The following HTR7 variants were observed in gnomAD, a reference collection of about 807,000 sequenced individuals.
HTR7 encodes 5-HT-7.
HTR7 carries 16 observed loss-of-function variants against 34.0 expected under a neutral mutation model. The ratio of observed to expected loss-of-function variants is 0.47; its 90% confidence interval spans 0.32 to 0.71. The LOEUF is 0.71. Among genes scored for constraint, HTR7 ranks in the 30% least tolerant of loss-of-function variants. HTR7 has a pLI of 0.04. For synonymous variants in HTR7, 265 were observed against 260.2 expected, an observed-to-expected ratio of 1.02 and a Z score of -0.18; for missense variants, 504 against 625.5, an observed-to-expected ratio of 0.81 and a Z score of 2.07.
intron 1 of HTR7, among the ~76,000 whole-genome samples, chr10:90,832,291 C>T (rs1418866559): frequency 6.6e-6 from 1 of 152,228 alleles, no homozygotes; most frequent in African/African-American, 2.4e-5. Flanking sequence ...GAGACCCAGG[C>T]ATGGTGGGAT....
chr10:90,810,364 C>T (rs991096124), intron 1 of HTR7, among the ~76,000 whole-genome samples: 1 of 152,102 alleles, frequency 6.6e-6, no homozygotes, highest in Admixed American at 6.6e-5. Context: ...ATCATGCAAC[C>T]CTTACCATCT....
intron 1 of HTR7, among the ~76,000 whole-genome samples, chr10:90,778,440 G>C (rs1347922368): frequency 6.6e-6 from 1 of 152,106 alleles, no homozygotes; most frequent in Admixed American, 6.5e-5. Context: ...ACCACCTGGG[G>C]ACTCTGCAGA....
At chr10:90,806,454 C>T (rs1351325819) in intron 1 of HTR7, among the ~76,000 whole-genome samples, 1 of 152,014 alleles carries the variant, frequency 6.6e-6, no homozygotes, top group East Asian at 1.9e-4. Flanking sequence ...AAAAAATTAG[C>T]CGGGCGTGGT....
At chr10:90,805,997 CTTAG>C (rs1371828156) in intron 1 of HTR7, among the ~76,000 whole-genome samples, 2 of 151,982 alleles carry the variant, frequency 1.3e-5, no homozygotes, top group Admixed American at 6.5e-5. Flanking sequence ...ATTAGGGTTA[CTTAG>C]TTAGAATAGT....
chr10:90,855,302 T>C (rs1161105817), intron 1 of HTR7, among the ~76,000 whole-genome samples: 1 of 152,244 alleles, frequency 6.6e-6, no homozygotes, highest in Non-Finnish European at 1.5e-5. Flanking sequence ...AAGTCACACA[T>C]GCACGCTGAG....
intron 2 of HTR7, among the ~76,000 whole-genome samples, chr10:90,746,518 G>A (rs1171504103): frequency 3.3e-5 from 5 of 152,104 alleles, no homozygotes; most frequent in Non-Finnish European, 5.9e-5. Flanking sequence ...ACTATTGCCA[G>A]AGAGACCTTC....
At chr10:90,761,226 G>C (rs919821197) in intron 1 of HTR7, among the ~76,000 whole-genome samples, 1 of 152,096 alleles carries the variant, frequency 6.6e-6, no homozygotes, top group Non-Finnish European at 1.5e-5. Flanking sequence ...CAGTTTAGAT[G>C]ATTTGTTTTC....
intron 1 of HTR7, among the ~76,000 whole-genome samples, chr10:90,810,236 C>T (rs1206010926): frequency 6.6e-6 from 1 of 152,182 alleles, no homozygotes; most frequent in African/African-American, 2.4e-5. Flanking sequence ...TCCTGGGCTA[C>T]AGCCACATCT....
chr10:90,786,241 T>A (rs983412160), intron 1 of HTR7, among the ~76,000 whole-genome samples: 1 of 152,220 alleles, frequency 6.6e-6, no homozygotes, highest in South Asian at 2.1e-4. Flanking sequence ...TAACACTCAG[T>A]AAATGCCAAG....
chr10:90,789,772 G>A (rs1845437055), intron 1 of HTR7, among the ~76,000 whole-genome samples: 1 of 152,130 alleles, frequency 6.6e-6, no homozygotes, highest in Admixed American at 6.6e-5. Flanking sequence ...TTGGATTTGG[G>A]GAGGTCCAGA....
At chr10:90,783,637 G>C (rs1309424133) in intron 1 of HTR7, among the ~76,000 whole-genome samples, 1 of 152,042 alleles carries the variant, frequency 6.6e-6, no homozygotes, top group African/African-American at 2.4e-5. Context: ...TTAGAGATAG[G>C]CTTTTTAGAA....
At chr10:90,844,059 A>T (rs1287424491) in intron 1 of HTR7, among the ~76,000 whole-genome samples, 1 of 152,250 alleles carries the variant, frequency 6.6e-6, no homozygotes, top group Non-Finnish European at 1.5e-5. Flanking sequence ...TACAGTCCAC[A>T]AGCTTAAAAT....
chr10:90,824,441 A>G (rs1407428168), intron 1 of HTR7, among the ~76,000 whole-genome samples: 1 of 152,256 alleles, frequency 6.6e-6, no homozygotes, highest in Non-Finnish European at 1.5e-5. Flanking sequence ...GTGACCCAGC[A>G]CATTCCCAGC....
intron 1 of HTR7, among the ~76,000 whole-genome samples, chr10:90,854,259 C>T (rs79794296): frequency 6.6e-6 from 1 of 152,118 alleles, no homozygotes; most frequent in African/African-American, 2.4e-5. Context: ...GGGGCTCAGG[C>T]ACGAGAATCA....
At chr10:90,763,597 C>T (rs1589440432) in intron 1 of HTR7, among the ~76,000 whole-genome samples, 1 of 152,276 alleles carries the variant, frequency 6.6e-6, no homozygotes, top group East Asian at 1.9e-4. Flanking sequence ...GGTATTTCTC[C>T]TAATGCTCTC....
intron 1 of HTR7, among the ~76,000 whole-genome samples, chr10:90,754,751 G>A (rs973432033): frequency 8.5e-5 from 13 of 152,160 alleles, no homozygotes; most frequent in African/African-American, 3.1e-4. Context: ...GGTAGATAAT[G>A]GTTCTTTAAT....
At chr10:90,849,099 G>C (rs972239367) in intron 1 of HTR7, among the ~76,000 whole-genome samples, 1 of 152,196 alleles carries the variant, frequency 6.6e-6, no homozygotes, top group African/African-American at 2.4e-5. Flanking sequence ...ATTATTTCAA[G>C]TTTTAAGGTT....
intron 1 of HTR7, among the ~76,000 whole-genome samples, chr10:90,793,041 A>T (rs1192085996): frequency 6.6e-6 from 1 of 152,198 alleles, no homozygotes; most frequent in Non-Finnish European, 1.5e-5. Flanking sequence ...AAAGCAAAAA[A>T]TTAACAAATG....
rs1845305597 is a variant in HTR7 at position 90,781,542 on chromosome 10, C to T, written c.540-31948G>A. ...TCAACACAATGCTATTATTTATCTT[C>T]TAATTGAAGATAAGAACTGATTTTT... On this transcript the variant is annotated intron_variant, in intron 1 of 3. Coordinates refer to ENST00000336152, the MANE Select transcript of HTR7 (RefSeq NM_019859.4). Among the ~76,000 whole-genome samples, 3 of 152,170 alleles carry T rather than the reference C, an allele frequency of 2.0e-5. No homozygotes were observed. The South Asian group carries it at 6.2e-4, about 32-fold the overall frequency.
Sources: gnomAD v4.1 joint callset for allele counts (sites outside exome capture counted in the v4.1 genomes callset) on GRCh38, gnomAD v4.1.1 for gene constraint, MANE v1.5 for transcripts, NCBI Gene and HGNC (gene_info 2026-07-23, HGNC 2026-07-21) for gene names.